Variants in IL12RB1 observed in about 807,000 individuals in gnomAD.
IL12RB1 encodes interleukin-12 receptor subunit beta-1.
IL12RB1 carries 64 observed loss-of-function variants against 94.4 expected under a neutral mutation model. That is an observed-to-expected ratio of 0.68 (90% CI 0.55 to 0.83). The LOEUF is 0.83. Ranked by LOEUF, IL12RB1 falls within the 40% of genes least tolerant of loss-of-function variation. The probability of loss-of-function intolerance (pLI) is 0.00; values close to 1 mark genes in which losing one functional copy is unlikely to be tolerated. For synonymous variants in IL12RB1, 362 were observed against 355.5 expected, an observed-to-expected ratio of 1.02 and a Z score of -0.21; for missense variants, 814 against 855.6, an observed-to-expected ratio of 0.95 and a Z score of 0.61.
chr19:18,082,008 C>A (rs1599553860), intron 3 of IL12RB1, 142 bp downstream of exon 3: 1 of 688,164 alleles, frequency 1.5e-6, no homozygotes, highest in Non-Finnish European at 2.7e-6. Context: ...CTCCAACTCT[C>A]TCTTCTTAGA....
intron 6 of IL12RB1, among the ~76,000 whole-genome samples, 185 bp downstream of exon 6, chr19:18,076,112 G>T (rs1277205687): frequency 6.6e-6 from 1 of 152,078 alleles, no homozygotes; most frequent in Non-Finnish European, 1.5e-5. Flanking sequence ...TTGGCCAAAG[G>T]CTTCTCACCC....
At chr19:18,061,050 G>T in intron 15 of IL12RB1, 72 bp downstream of exon 15, 1 of 803,524 alleles carries the variant, frequency 1.2e-6, no homozygotes, top group East Asian at 2.6e-5. Context: ...AGAATAAAAT[G>T]AGCTAATGCG....
rs371461366 is a variant in IL12RB1, at chr19:18,061,176, C to T, written c.1737G>A (p.Pro579=). The T allele has an allele frequency of 8.5e-5, 135 of 1,593,320 alleles. No homozygotes were observed. In the African/African-American group the frequency reaches 1.5e-3, roughly 17 times the overall value. Residue 579 remains proline (P), a synonymous_variant, in exon 15 of 17, where the codon CCG becomes CCA. Coordinates refer to ENST00000593993, the MANE Select transcript of IL12RB1 (RefSeq NM_005535.3). The part of the protein sequence containing the change: ...GLNRAARHLC[P]PLPTPCASSA... ...AGCTGGCACAGGGTGTGGGCAGCGG[C>T]GGGCACAGGTGCCGTGCGGCCCTGG...
chr19:18,073,644 A>G (rs757799947), intron 7 of IL12RB1, 45 bp from the exon 8 acceptor site: 14 of 1,104,752 alleles, frequency 1.3e-5, no homozygotes, highest in Non-Finnish European at 1.8e-5. Context: ...AAGGAGAGAA[A>G]GACTGATGGA....
chr19:18,068,305 C>T lies in IL12RB1; in HGVS notation c.1327+84G>A, dbSNP rs845379. The T allele has an allele frequency of 0.018, 20,421 of 1,137,844 alleles. 2,612 individuals are homozygous for T. In the African/African-American group the frequency reaches 0.28, roughly 16 times the overall value. The allele number at this position is 1,137,844 out of a possible 1,614,324, so 70.5% of individuals were successfully genotyped here. The stretch of plus-strand genomic sequence containing the variant: ...CCTCCCAAAGTGCTGGGATTACATG[C>T]GTGAGTCACTGTGCCCAGCCTCTAT... On this transcript the variant is annotated intron_variant, in intron 11 of 16. Coordinates refer to ENST00000593993, the MANE Select transcript of IL12RB1 (RefSeq NM_005535.3).
chr19:18,084,687 ATCCATC>A (rs1568522850), intron 1 of IL12RB1, among the ~76,000 whole-genome samples: 66 of 150,034 alleles, frequency 4.4e-4, no homozygotes, highest in African/African-American at 1.1e-3. Context: ...CCATCCATCC[ATCCATC>A]CATCCATACA....
upstream of IL12RB1, among the ~76,000 whole-genome samples, chr19:18,091,769 C>T (rs909966382): frequency 1.3e-5 from 2 of 152,060 alleles, no homozygotes; most frequent in African/African-American, 4.8e-5. Context: ...ACAATCATAG[C>T]TCACTGCAGC....
chr19:18,086,279 A>G (rs1178723292), intron 1 of IL12RB1, among the ~76,000 whole-genome samples: 3 of 151,748 alleles, frequency 2.0e-5, no homozygotes, highest in Non-Finnish European at 4.4e-5. Flanking sequence ...TAAGTAAAGT[A>G]TACGGAAGGA....
chr19:18,077,770 G>A (rs906766516), intron 4 of IL12RB1, 115 bp from the exon 5 acceptor site: 5 of 741,002 alleles, frequency 6.7e-6, no homozygotes, highest in Non-Finnish European at 9.9e-6. Flanking sequence ...TGAATTAGGG[G>A]ACACTTGCAG....
rs401502 is a variant in IL12RB1, at chr19:18,069,603, C to G, written c.1132G>C (p.Gly378Arg). The G allele has an allele frequency of 0.31, 492,540 of 1,612,144 alleles. 77,178 individuals are homozygous for G. Among genetic ancestry groups the G allele is most frequent in the East Asian group, 0.39 (17,309 of 44,858 alleles). Residue 378 changes from glycine (G) to arginine (R), a missense_variant, in exon 10 of 17, where the codon GGG (glycine) becomes CGG (arginine). Coordinates refer to ENST00000593993, the MANE Select transcript of IL12RB1 (RefSeq NM_005535.3). ...CIEWQPVGQD[G>R]GLATCSLTAP... The stretch of plus-strand genomic sequence containing the variant: ...GTCAGGCTGCAGGTGGCAAGGCCCC[C>G]GTCCTGGCCCACAGGCTGCCATTCA...
chr19:18,083,973 A>T (rs371683746), intron 1 of IL12RB1, among the ~76,000 whole-genome samples: 1 of 147,500 alleles, frequency 6.8e-6, no homozygotes, highest in Non-Finnish European at 1.5e-5. Context: ...CCATGTATTC[A>T]TCCATCCATG....
At chr19:18,089,032 A>AAAAAAAAAAAACACACATACAC (rs2036516423), upstream of IL12RB1, among the ~76,000 whole-genome samples, 1 of 149,332 alleles carries the variant, frequency 6.7e-6, no homozygotes, top group Non-Finnish European at 1.5e-5. Context: ...CTCCATCTCA[A>AAAAAAAAAAAACACACATACAC]AAAAAAAAAA....
At chr19:18,071,973 A>T (rs1311560125) in intron 9 of IL12RB1, 139 bp downstream of exon 9, 3 of 692,556 alleles carry the variant, frequency 4.3e-6, no homozygotes, top group Non-Finnish European at 7.9e-6. Flanking sequence ...CTGATTACTG[A>T]ATTTTTGATA....
intron 9 of IL12RB1, 121 bp downstream of exon 9, chr19:18,071,990 TA>T: frequency 1.4e-6 from 1 of 729,830 alleles, no homozygotes; most frequent in South Asian, 1.5e-5. Flanking sequence ...GATACACCCC[TA>T]AATCAGGCAC....
chr19:18,073,580 C>T lies in IL12RB1; in HGVS notation c.720G>A (p.Gln240=). The T allele has an allele frequency of 6.2e-7, 1 of 1,612,426 alleles. No individual in the cohort carries two copies. The highest frequency in any genetic ancestry group is 1.7e-5 in the Admixed American group (1 of 59,954). ...CCAGCTGCTCCACCGAGAATCTCAC[C>T]TGAGGCTGTGGGGGGTTTTCTGCAA... ...CVPPENPPQP[Q]VRFSVEQLGQ... The change falls in exon 8 of 17, where the codon CAG becomes CAA. Residue 240 remains glutamine, a synonymous_variant. Transcript: ENST00000593993.
chr19:18,079,104 ATTT>A (rs562543069), intron 4 of IL12RB1, among the ~76,000 whole-genome samples: 2 of 139,844 alleles, frequency 1.4e-5, no homozygotes, highest in African/African-American at 2.6e-5. Context: ...AACACTTAAA[ATTT>A]TTTTTTTTTT....
upstream of IL12RB1, among the ~76,000 whole-genome samples, chr19:18,089,242 G>A (rs2036526646): frequency 1.3e-5 from 2 of 152,094 alleles, no homozygotes; most frequent in Admixed American, 6.6e-5. Flanking sequence ...GTTTCCTTTT[G>A]GGGTGATGCA....
Position 18,063,967 on chromosome 19 carries a change from GC to G in IL12RB1, c.1526del (p.Gly509AlafsTer6). On this transcript the variant is annotated frameshift_variant, in exon 13 of 17. Coordinates refer to ENST00000593993, the MANE Select transcript of IL12RB1 (RefSeq NM_005535.3). LOFTEE classifies it high-confidence loss of function. ...CCGTGTAGGCTACACCAGCCCGCAG[GC>G]CACTGAGGGTAACTTGGGTCTCTGT... The part of the protein sequence containing the change: ...QPTETQVTLS[G>X]LRAGVAYTVQ... 1 of 1,611,114 alleles carries G rather than the reference GC, an allele frequency of 6.2e-7. No individual in the cohort carries two copies. Among genetic ancestry groups the G allele is most frequent in the Non-Finnish European group, 8.5e-7 (1 of 1,177,468 alleles).
At chr19:18,092,433 T>C (rs2036671339) in intron 1 of IL12RB1, among the ~76,000 whole-genome samples, 1 of 151,708 alleles carries the variant, frequency 6.6e-6, no homozygotes, top group Admixed American at 6.6e-5. Context: ...GGGTTTGCGG[T>C]GAGCCAAGAT....
Sources: gnomAD v4.1 joint callset for allele counts (sites outside exome capture counted in the v4.1 genomes callset) on GRCh38, gnomAD v4.1.1 for gene constraint, MANE v1.5 for transcripts, NCBI Gene and HGNC (gene_info 2026-07-23, HGNC 2026-07-21) for gene names.